SOX6: variants seen among roughly 807,000 people sequenced by gnomAD.
The protein encoded by SOX6 is transcription factor SOX-6.
In SOX6, 11 loss-of-function variants were observed where a neutral mutation model predicts 97.8. That is an observed-to-expected ratio of 0.11 (90% CI 0.07 to 0.19). The LOEUF (loss-of-function observed/expected upper bound fraction) is 0.19, where lower values mean the gene tolerates loss of function less well. SOX6 is among the 10% of genes least tolerant of loss of function. The probability of loss-of-function intolerance (pLI) is 1.00; values close to 1 mark genes in which losing one functional copy is unlikely to be tolerated. For synonymous variants in SOX6, 360 were observed against 371.4 expected (o/e 0.97, Z 0.35); for missense variants, 810 against 1,039.5 (o/e 0.78, Z 3.04).
chr11:16,218,294 TA>T (rs1449802093), intron 4 of SOX6, among the ~76,000 whole-genome samples: 1 of 152,146 alleles, frequency 6.6e-6, no homozygotes, highest in African/African-American at 2.4e-5. Context: ...AGAAATAACC[TA>T]GTAGTTTGTC....
At chr11:15,995,429 C>A (rs532017871) in intron 13 of SOX6, among the ~76,000 whole-genome samples, 20 of 152,050 alleles carry the variant, frequency 1.3e-4, no homozygotes, top group African/African-American at 4.8e-4. Context: ...CTTCCTGCCC[C>A]CAAAGTTAAA....
chr11:16,010,125 TAC>T (rs67556517), intron 13 of SOX6, among the ~76,000 whole-genome samples: 16,723 of 135,216 alleles, frequency 0.12, 957 homozygotes, highest in African/African-American at 0.17. Context: ...CAGTTGGAGC[TAC>T]ACACACACAC....
intron 1 of SOX6, among the ~76,000 whole-genome samples, chr11:16,454,414 G>A (rs1712007988): frequency 6.6e-6 from 1 of 151,906 alleles, no homozygotes; most frequent in South Asian, 2.1e-4. Context: ...AGCAAAGCAG[G>A]GTGCTCAGTC....
intron 1 of SOX6, among the ~76,000 whole-genome samples, chr11:16,355,749 G>A (rs532003463): frequency 2.3e-4 from 35 of 152,134 alleles, no homozygotes; most frequent in Admixed American, 9.2e-4. Context: ...AAAGATTCAT[G>A]TAGGGAATCT....
At position 15,991,268 on chromosome 11, in the gene SOX6, A is replaced by G. The variant is rs569695659; in HGVS notation, c.1733-2038T>C. 3.9e-5 allele frequency among the ~76,000 whole-genome samples: 6 copies of G among 152,290 alleles called. No individual in the cohort carries two copies. In the South Asian group the frequency reaches 1.2e-3, roughly 32 times the overall value. On this transcript the variant is annotated intron_variant, in intron 13 of 15. Transcript: ENST00000683767. ...AAAATGCACTGACCATACAGGATAA[A>G]TTGATTTCACTTTATATGGGTTTGA...
intron 2 of SOX6, among the ~76,000 whole-genome samples, chr11:16,339,022 T>C (rs1856549206): frequency 6.6e-6 from 1 of 152,092 alleles, no homozygotes; most frequent in Non-Finnish European, 1.5e-5. Context: ...TTTTTATTTG[T>C]CTATGACTAG....
rs907777567 is a variant in SOX6, at chr11:15,972,083, C to G, written c.*726G>C. ...ATGCACTGTGGCAACCTTGTTCATT[C>G]CTTACAATATCTTGTCTCCAGATTC... On this transcript the variant is annotated 3_prime_UTR_variant, in exon 16 of 16. Coordinates refer to ENST00000683767, the MANE Select transcript of SOX6 (RefSeq NM_001367873.1). 2 of 152,256 alleles carry G rather than the reference C, an allele frequency of 1.3e-5. No homozygotes were observed. Among genetic ancestry groups the G allele is most frequent in the Non-Finnish European group, 2.9e-5 (2 of 67,824 alleles). The allele number at this position is 152,256 out of a possible 1,614,324, so 9.4% of individuals were successfully genotyped here. A position where few individuals can be genotyped will look rare whatever the true frequency, so the allele number is the denominator to read the frequency against.
chr11:16,111,654 C>A, intron 7 of SOX6, 149 bp downstream of exon 7: 1 of 1,075,048 alleles, frequency 9.3e-7, no homozygotes, highest in South Asian at 1.4e-5. Flanking sequence ...AATGCCCACT[C>A]TTCCCAATTC....
At chr11:16,083,853 G>A (rs1427140326) in intron 9 of SOX6, among the ~76,000 whole-genome samples, 1 of 152,100 alleles carries the variant, frequency 6.6e-6, no homozygotes, top group Non-Finnish European at 1.5e-5. Context: ...ATAAAAGCTA[G>A]GTACCAGGAA....
intron 3 of SOX6, among the ~76,000 whole-genome samples, chr11:16,628,401 A>G (rs1362646261): frequency 6.6e-6 from 1 of 152,122 alleles, no homozygotes; most frequent in African/African-American, 2.4e-5. Context: ...AGGTGGGTGG[A>G]TCACTTGAGG....
intron 3 of SOX6, among the ~76,000 whole-genome samples, chr11:16,621,931 T>C (rs568502179): frequency 2.2e-4 from 33 of 152,186 alleles, no homozygotes; most frequent in Admixed American, 6.5e-4. Context: ...ATTTGACTCA[T>C]TTTTTGCTCA....
chr11:16,709,217 T>C (rs1036282242), intron 3 of SOX6, among the ~76,000 whole-genome samples: 1 of 152,146 alleles, frequency 6.6e-6, no homozygotes, highest in Non-Finnish European at 1.5e-5. Context: ...AAATGGTTTT[T>C]TAAAGGTGTG....
chr11:16,507,282 T>C (rs1350208274), intron 4 of SOX6, among the ~76,000 whole-genome samples: 1 of 152,094 alleles, frequency 6.6e-6, no homozygotes, highest in Admixed American at 6.6e-5. Context: ...GATTTCCCAA[T>C]TTCAGGTATT....
chr11:16,430,969 A>G (rs1590200928), intron 1 of SOX6, among the ~76,000 whole-genome samples: 1 of 152,306 alleles, frequency 6.6e-6, no homozygotes, highest in East Asian at 1.9e-4. Context: ...GCCTGTCCTC[A>G]TTGATCACAT....
At chr11:16,358,838 A>T (rs1406134554), upstream of SOX6, among the ~76,000 whole-genome samples, 1 of 152,140 alleles carries the variant, frequency 6.6e-6, no homozygotes, top group Non-Finnish European at 1.5e-5. Context: ...AGGCAATCCT[A>T]ATAGGAGAAA....
chr11:15,978,672 C>T (rs1853565907), intron 15 of SOX6, among the ~76,000 whole-genome samples: 1 of 149,896 alleles, frequency 6.7e-6, no homozygotes, highest in Non-Finnish European at 1.5e-5. Flanking sequence ...TATCTATATG[C>T]TGACAACGTC....
At chr11:16,545,694 G>A (rs1457197812) in intron 4 of SOX6, among the ~76,000 whole-genome samples, 1 of 152,202 alleles carries the variant, frequency 6.6e-6, no homozygotes, top group Non-Finnish European at 1.5e-5. Flanking sequence ...GCTCACACCT[G>A]TAATCGTAGC....
chr11:16,216,612 T>TAA (rs35605922), intron 4 of SOX6, among the ~76,000 whole-genome samples: 1 of 146,748 alleles, frequency 6.8e-6, no homozygotes. Context: ...CTTTTCAGAC[T>TAA]AAAAAAAAAA....
At position 16,235,702 on chromosome 11, in the gene SOX6, A is replaced by G. The variant is rs1409419828; in HGVS notation, c.446-1031T>C. ...CCTTTTCTCTCTCGTATCAGCACCT[A>G]TCTCTTTAGTATTTTCCCTTTCATT... On this transcript the variant is annotated intron_variant, in intron 3 of 15. Transcript: ENST00000683767. Among the ~76,000 whole-genome samples the G allele has an allele frequency of 2.0e-5, 3 of 152,152 alleles. No homozygotes were observed. The East Asian group carries it at 5.8e-4, about 29-fold the overall frequency.
Sources: allele counts gnomAD v4.1 joint callset (sites outside exome capture counted in the v4.1 genomes callset), GRCh38; gene constraint gnomAD v4.1.1; transcripts MANE v1.5; gene names NCBI Gene and HGNC (gene_info 2026-07-23, HGNC 2026-07-21).